Variants in HLCS observed in about 807,000 individuals in gnomAD.
HLCS encodes the protein biotin--protein ligase.
A neutral mutation model predicts 75.0 loss-of-function variants in HLCS; 53 were observed. The ratio of observed to expected loss-of-function variants is 0.71; its 90% confidence interval spans 0.57 to 0.89. HLCS has a LOEUF of 0.89. Among genes scored for constraint, HLCS ranks in the 40% least tolerant of loss-of-function variants. The pLI is 0.00. For synonymous variants in HLCS, 431 were observed against 428.6 expected, an observed-to-expected ratio of 1.01 and a Z score of -0.07; for missense variants, 966 against 1,074.0, an observed-to-expected ratio of 0.90 and a Z score of 1.41.
intron 6 of HLCS, among the ~76,000 whole-genome samples, chr21:36,853,714 A>T (rs2063092182): frequency 6.6e-6 from 1 of 152,204 alleles, no homozygotes; most frequent in Non-Finnish European, 1.5e-5. Flanking sequence ...TTCTTTCACA[A>T]ATCAGGTGGG....
At chr21:36,899,744 G>T in intron 5 of HLCS, among the ~76,000 whole-genome samples, 1 of 152,326 alleles carries the variant, frequency 6.6e-6, no homozygotes. Flanking sequence ...CTCTGAGGAC[G>T]GAGCAATGAT....
chr21:36,878,802 T>C (rs11910919), intron 6 of HLCS, among the ~76,000 whole-genome samples: 18,475 of 152,278 alleles, frequency 0.12, 1,467 homozygotes, highest in Non-Finnish European at 0.18. Flanking sequence ...ATGGGGAACA[T>C]AGTACATTAC....
At chr21:36,977,862 A>G (rs2068984299) in intron 1 of HLCS, among the ~76,000 whole-genome samples, 1 of 152,220 alleles carries the variant, frequency 6.6e-6, no homozygotes, top group Non-Finnish European at 1.5e-5. Flanking sequence ...AAGAGTGCAG[A>G]CTATTGTGAC....
At position 36,924,289 on chromosome 21, in the gene HLCS, G is replaced by A. The variant is rs544265140; in HGVS notation, c.1620+5962C>T. ...AGAAAAATACATTAAGCCAGGTGCA[G>A]TGGCTCATGCCTGTAATCCCAGCAC... On this transcript the variant is annotated intron_variant, in intron 5 of 10. Coordinates refer to ENST00000674895, the MANE Select transcript of HLCS (RefSeq NM_001352514.2). Among the ~76,000 whole-genome samples the A allele has an allele frequency of 2.1e-4, 32 of 152,344 alleles. No homozygotes were observed. The Middle Eastern group carries it at 0.01, about 49-fold the overall frequency.
upstream of HLCS, among the ~76,000 whole-genome samples, chr21:36,967,100 AGGGG>A (rs2068641766): frequency 6.6e-6 from 1 of 151,512 alleles, no homozygotes; most frequent in African/African-American, 2.4e-5. Flanking sequence ...CCTTCCTTGG[AGGGG>A]TGGGAGGCGG....
Position 36,829,804 on chromosome 21 carries a change from C to T in HLCS, c.1893-62519G>A, listed in dbSNP as rs982228479. On this transcript the variant is annotated intron_variant, in intron 6 of 10. Transcript: ENST00000674895. ...CCAGAGTGAAGCCAGCCCCTCTCCC[C>T]GGCCCTCTCCCGCAGAGGGAAGGAG... 3.9e-5 allele frequency among the ~76,000 whole-genome samples: 6 copies of T among 152,180 alleles called. No homozygotes were observed. The East Asian group carries it at 1.2e-3, about 29-fold the overall frequency.
chr21:36,791,557 CGACT>C (rs1287449862), intron 6 of HLCS, among the ~76,000 whole-genome samples: 3 of 152,144 alleles, frequency 2.0e-5, no homozygotes, highest in Non-Finnish European at 4.4e-5. Context: ...ACCTCACCTG[CGACT>C]TTTCTCTTAC....
intron 6 of HLCS, among the ~76,000 whole-genome samples, chr21:36,883,303 C>T (rs2064309179): frequency 6.6e-6 from 1 of 152,102 alleles, no homozygotes; most frequent in Non-Finnish European, 1.5e-5. Context: ...AGCCACAAAG[C>T]TAAGTCAGGG....
intron 6 of HLCS, among the ~76,000 whole-genome samples, chr21:36,819,475 A>G (rs1399618339): frequency 6.6e-6 from 1 of 152,250 alleles, no homozygotes; most frequent in Non-Finnish European, 1.5e-5. Context: ...TCACATCAGC[A>G]TCTACCACTT....
chr21:36,975,849 C>T (rs9975027), intron 1 of HLCS, among the ~76,000 whole-genome samples: 32,061 of 152,122 alleles, frequency 0.21, 3,701 homozygotes, highest in East Asian at 0.34. Context: ...ACTTATTCCA[C>T]GTTCATTCTG....
chr21:36,942,883 T>C lies in HLCS; in HGVS notation c.331-3889A>G, dbSNP rs554070845. On this transcript the variant is annotated intron_variant, in intron 2 of 10. Transcript: ENST00000674895. ...AGGCAGAGCTTGCAGTGAGCCAAGA[T>C]TGCACCACTGCACGCCAGCCTGGGC... Among the ~76,000 whole-genome samples the C allele has an allele frequency of 2.3e-3, 354 of 151,608 alleles. 2 individuals carry two copies. Among genetic ancestry groups the C allele is most frequent in the Non-Finnish European group, 3.4e-3 (230 of 67,922 alleles).
intron 6 of HLCS, among the ~76,000 whole-genome samples, chr21:36,868,285 A>AAGAAAGAAAGAAAG (rs1278967129): frequency 4.6e-5 from 7 of 151,952 alleles, no homozygotes; most frequent in Non-Finnish European, 8.8e-5. Context: ...GAAAGAAAGA[A>AAGAAAGAAAGAAAG]AGAAAGAAAA....
chr21:36,926,868 G>A (rs529508256), intron 5 of HLCS, among the ~76,000 whole-genome samples: 4 of 149,862 alleles, frequency 2.7e-5, no homozygotes, highest in Admixed American at 2.0e-4. Flanking sequence ...TCAGCCTCCC[G>A]AGTAGCTAGG....
At chr21:36,884,579 T>C (rs2064366596) in intron 6 of HLCS, among the ~76,000 whole-genome samples, 2 of 152,128 alleles carry the variant, frequency 1.3e-5, no homozygotes, top group African/African-American at 4.8e-5. Context: ...TAAACTAAAA[T>C]CAACACATTT....
chr21:36,821,673 T>C (rs907771032), intron 6 of HLCS, among the ~76,000 whole-genome samples: 3 of 152,226 alleles, frequency 2.0e-5, no homozygotes, highest in Non-Finnish European at 2.9e-5. Flanking sequence ...TATGTCTATA[T>C]GATATTTAAG....
chr21:36,764,356 C>CA (rs1450788089), intron 8 of HLCS, among the ~76,000 whole-genome samples: 2 of 152,156 alleles, frequency 1.3e-5, no homozygotes, highest in East Asian at 3.8e-4. Flanking sequence ...GAGATGGCGC[C>CA]ACTGCACTCC....
At chr21:36,957,961 C>T (rs1294641527) in intron 2 of HLCS, among the ~76,000 whole-genome samples, 1 of 149,694 alleles carries the variant, frequency 6.7e-6, no homozygotes, top group Non-Finnish European at 1.5e-5. Flanking sequence ...GGCGCGGTGG[C>T]TCACGCCTGT....
intron 6 of HLCS, among the ~76,000 whole-genome samples, chr21:36,880,572 T>A (rs1197730364): frequency 6.6e-6 from 1 of 151,490 alleles, no homozygotes; most frequent in African/African-American, 2.4e-5. Context: ...TTTCCGGAAG[T>A]GGAAAGGGTA....
intron 5 of HLCS, among the ~76,000 whole-genome samples, chr21:36,917,907 A>C (rs976225731): frequency 6.6e-6 from 1 of 151,592 alleles, no homozygotes; most frequent in African/African-American, 2.4e-5. Flanking sequence ...GTGACTTTGG[A>C]CCACGTAAAT....
Sources: gnomAD v4.1 joint callset for allele counts (sites outside exome capture counted in the v4.1 genomes callset) on GRCh38, gnomAD v4.1.1 for gene constraint, MANE v1.5 for transcripts, NCBI Gene and HGNC (gene_info 2026-07-23, HGNC 2026-07-21) for gene names.